Variants in CNTN5 observed in about 807,000 individuals in gnomAD.
CNTN5 encodes contactin 5.
CNTN5 carries 77 observed loss-of-function variants against 129.1 expected under a neutral mutation model. The ratio of observed to expected loss-of-function variants is 0.60; its 90% CI spans 0.50 to 0.72. The LOEUF is 0.72. Ranked by LOEUF, CNTN5 falls within the 30% of genes least tolerant of loss-of-function variation. CNTN5 has a pLI of 0.00. For synonymous variants in CNTN5, 509 were observed against 465.6 expected (o/e 1.09, Z -1.20); for missense variants, 1,478 against 1,328.8 (o/e 1.11, Z -1.75).
At position 99,655,010 on chromosome 11, in the gene CNTN5, A is replaced by G. The variant is rs185931139; in HGVS notation, c.55+98741A>G. ...GGTTTTGGAATGGGCTGCAGTGTGA[A>G]GATCTCTGATTGGTGGAAGAGTGCT... On this transcript the variant is annotated intron_variant, in intron 3 of 24. Transcript: ENST00000524871. Among the ~76,000 whole-genome samples the G allele has an allele frequency of 1.5e-4, 23 of 152,128 alleles. No homozygotes were observed. In the East Asian group the frequency reaches 4.5e-3, roughly 30 times the overall value.
intron 2 of CNTN5, among the ~76,000 whole-genome samples, chr11:99,535,793 T>A (rs1264706938): frequency 6.6e-6 from 1 of 151,988 alleles, no homozygotes; most frequent in African/African-American, 2.4e-5. Context: ...TTATGTTCAG[T>A]TTTTTTTGGT....
At chr11:99,415,155 A>G (rs1439548873) in intron 2 of CNTN5, among the ~76,000 whole-genome samples, 1 of 152,150 alleles carries the variant, frequency 6.6e-6, no homozygotes, top group Admixed American at 6.5e-5. Flanking sequence ...TATAAACAAA[A>G]AGGAGGTTAA....
Position 99,162,455 on chromosome 11 carries a change from G to C in CNTN5, c.-210+141185G>C, listed in dbSNP as rs143973373. On this transcript the variant is annotated intron_variant, in intron 1 of 24. Coordinates refer to ENST00000524871, the MANE Select transcript of CNTN5 (RefSeq NM_014361.4). ...GCATGTCACTGACGGGAAAATTCTG[G>C]GTCATGCTTGGTGAATCAAAGACTG... 3.8e-3 allele frequency among the ~76,000 whole-genome samples: 580 copies of C among 152,058 alleles called. 4 individuals are homozygous for C. The highest frequency in any genetic ancestry group is 0.011 in the African/African-American group (445 of 41,498).
At chr11:100,284,260 G>C (rs921744319) in intron 18 of CNTN5, among the ~76,000 whole-genome samples, 1 of 152,178 alleles carries the variant, frequency 6.6e-6, no homozygotes, top group Non-Finnish European at 1.5e-5. Flanking sequence ...TTACAAAAGT[G>C]AGTTTTATGT....
At chr11:100,021,149 T>C (rs1240817680) in intron 9 of CNTN5, among the ~76,000 whole-genome samples, 1 of 152,192 alleles carries the variant, frequency 6.6e-6, no homozygotes, top group African/African-American at 2.4e-5. Flanking sequence ...TGTTATTAAT[T>C]TCCATTTTAA....
chr11:99,892,503 A>G (rs1047629513), intron 6 of CNTN5, among the ~76,000 whole-genome samples: 1 of 152,156 alleles, frequency 6.6e-6, no homozygotes, highest in African/African-American at 2.4e-5. Flanking sequence ...TAATTTTTGT[A>G]TAAGGTGTAA....
chr11:99,742,977 T>C (rs879726137), intron 3 of CNTN5, among the ~76,000 whole-genome samples: 2 of 152,224 alleles, frequency 1.3e-5, no homozygotes, highest in Non-Finnish European at 2.9e-5. Context: ...ATGTTTATCT[T>C]AGCTTGTGTG....
chr11:99,888,696 C>T (rs1948964910), intron 6 of CNTN5, among the ~76,000 whole-genome samples: 1 of 152,124 alleles, frequency 6.6e-6, no homozygotes, highest in Admixed American at 6.6e-5. Context: ...GAAAGAAAAC[C>T]TCTGTGGCAA....
At chr11:99,677,794 T>C (rs2134691891) in intron 3 of CNTN5, among the ~76,000 whole-genome samples, 1 of 152,284 alleles carries the variant, frequency 6.6e-6, no homozygotes, top group South Asian at 2.1e-4. Flanking sequence ...AACATTTTCG[T>C]ACTGATTTTT....
Position 99,985,720 on chromosome 11 carries a change from G to A in CNTN5, c.878-16314G>A, listed in dbSNP as rs561279169. 2.2e-4 allele frequency among the ~76,000 whole-genome samples: 34 copies of A among 152,258 alleles called. No individual in the cohort carries two copies. In the South Asian group the frequency reaches 6.4e-3, roughly 29 times the overall value. ...GACTAAAACATTTAGACATTAGTGA[G>A]TAAAGCATTCATGACATCCTTTTTT... is the stretch of plus-strand genomic sequence containing the variant. On this transcript the variant is annotated intron_variant, in intron 8 of 24. Transcript: ENST00000524871.
At chr11:99,876,159 C>T (rs1375247368) in intron 6 of CNTN5, among the ~76,000 whole-genome samples, 2 of 152,116 alleles carry the variant, frequency 1.3e-5, no homozygotes, top group Non-Finnish European at 2.9e-5. Flanking sequence ...CTGAGCTGAG[C>T]TATCCCTATG....
At chr11:99,344,190 G>A (rs1395379480) in intron 2 of CNTN5, among the ~76,000 whole-genome samples, 1 of 152,226 alleles carries the variant, frequency 6.6e-6, no homozygotes, top group East Asian at 1.9e-4. Context: ...TATAAGGTAG[G>A]ATTTTGTCCA....
intron 15 of CNTN5, among the ~76,000 whole-genome samples, chr11:100,214,709 G>A (rs188644429): frequency 1.7e-4 from 26 of 152,148 alleles, no homozygotes; most frequent in Admixed American, 1.2e-3. Context: ...ACCTAACCCC[G>A]AAGCCAACGT....
At chr11:99,057,795 T>TGTG (rs1465210030) in intron 1 of CNTN5, among the ~76,000 whole-genome samples, 1 of 150,426 alleles carries the variant, frequency 6.6e-6, no homozygotes. Flanking sequence ...AGTGTGTGTG[T>TGTG]GTGTGTGTGT....
intron 13 of CNTN5, among the ~76,000 whole-genome samples, chr11:100,134,199 T>G (rs1702475408): frequency 1.3e-5 from 2 of 152,140 alleles, no homozygotes; most frequent in Admixed American, 1.3e-4. Context: ...AAAATAAACT[T>G]ATTGAGCATG....
At chr11:99,785,659 A>T (rs1408424613) in intron 3 of CNTN5, among the ~76,000 whole-genome samples, 5 of 152,124 alleles carry the variant, frequency 3.3e-5, no homozygotes, top group Admixed American at 3.3e-4. Flanking sequence ...CACCTTATCA[A>T]GTCGACTTCA....
rs1182946220 is a variant in CNTN5, at chr11:100,037,733, T to C, written c.981-23479T>C. On this transcript the variant is annotated intron_variant, in intron 9 of 24. Transcript: ENST00000524871. ...TGTTGAGGAATTTATCCATTTCTTC[T>C]AGATTTTCTAGTTTATTTGTGTAGA... Among the ~76,000 whole-genome samples, 6 of 152,348 alleles carry C rather than the reference T, an allele frequency of 3.9e-5. No homozygotes were observed. The South Asian group carries it at 1.2e-3, about 32-fold the overall frequency.
At chr11:100,246,535 A>G (rs1949844946) in intron 16 of CNTN5, among the ~76,000 whole-genome samples, 1 of 152,130 alleles carries the variant, frequency 6.6e-6, no homozygotes, top group African/African-American at 2.4e-5. Context: ...TAAAATTTAC[A>G]TTCTTTTTTT....
intron 3 of CNTN5, among the ~76,000 whole-genome samples, chr11:99,729,300 A>T (rs1943450523): frequency 1.3e-5 from 2 of 152,058 alleles, no homozygotes. Flanking sequence ...AAACTGACAT[A>T]ACATTTTTTT....
Sources: gnomAD v4.1 joint callset for allele counts (sites outside exome capture counted in the v4.1 genomes callset) on GRCh38, gnomAD v4.1.1 for gene constraint, MANE v1.5 for transcripts, NCBI Gene and HGNC (gene_info 2026-07-23, HGNC 2026-07-21) for gene names.